The following PGBD1 variants were observed in gnomAD, a reference collection of about 807,000 sequenced individuals.
The protein encoded by PGBD1 is piggyBac transposable element derived 1, also known as piggyBac transposable element-derived protein 1.
PGBD1 carries 25 observed loss-of-function variants against 34.7 expected under a neutral mutation model. The ratio of observed to expected loss-of-function variants is 0.72; its 90% confidence interval spans 0.52 to 1.00. The LOEUF is 1.00. Among genes scored for constraint, PGBD1 ranks in the 50% least tolerant of loss-of-function variants. The pLI, the probability that PGBD1 is intolerant of heterozygous loss-of-function variation, is 0.00. For missense variants in PGBD1, 830 were observed against 959.4 expected, an observed-to-expected ratio of 0.87 and a Z score of 1.78; for synonymous variants, 292 against 335.7, an observed-to-expected ratio of 0.87 and a Z score of 1.42.
chr6:28,300,677 G>T lies in PGBD1; in HGVS notation c.870-47G>T, dbSNP rs762522752. The T allele has an allele frequency of 6.4e-7, 1 of 1,558,710 alleles. No homozygotes were observed. The highest frequency in any genetic ancestry group is 8.7e-7 in the Non-Finnish European group (1 of 1,154,044). Reference sequence around the variant, plus strand: ...TTCAGCAGATTTATCATGTGTGAGAGAATATGATTGAGGATTTTTATAACA... The same window carrying T: ...TTCAGCAGATTTATCATGTGTGAGATAATATGATTGAGGATTTTTATAACA... On this transcript the variant is annotated intron_variant, in intron 6 of 6. Transcript: ENST00000682144. This position sits in a 1 kb window ranked among gnomAD's most constrained non-coding sequence, Gnocchi z 4.0.
At chr6:28,297,572 T>A (rs1762683589) in intron 5 of PGBD1, among the ~76,000 whole-genome samples, 1 of 152,082 alleles carries the variant, frequency 6.6e-6, no homozygotes, top group South Asian at 2.1e-4. Context: ...AGGCTGGTCT[T>A]GAACTCCTGG....
intron 4 of PGBD1, among the ~76,000 whole-genome samples, chr6:28,288,419 T>G (rs1762351869): frequency 6.6e-6 from 1 of 152,190 alleles, no homozygotes; most frequent in Admixed American, 6.5e-5. Flanking sequence ...CTGGTTAGGA[T>G]CTCATGCTGC....
rs2113738335 is a variant in PGBD1 at position 28,281,929 on chromosome 6, G to C, written c.-39+11G>C. 1 of 152,410 alleles carries C rather than the reference G, an allele frequency of 6.6e-6. No individual in the cohort carries two copies. Among genetic ancestry groups the C allele is most frequent in the East Asian group, 1.9e-4 (1 of 5,178 alleles). 9.4% of individuals were successfully genotyped at this position (152,410 alleles called of 1,614,324 possible). A position where few individuals can be genotyped will look rare whatever the true frequency, so the allele number is the denominator to read the frequency against. On this transcript the variant is annotated intron_variant, in intron 1 of 6. Coordinates refer to ENST00000682144, the MANE Select transcript of PGBD1 (RefSeq NM_032507.4). ...TTTCTTGAATACCAGGTACGTGCCG[G>C]GCATGTAGAGTCTATGCAGAGATAA... is the stretch of plus-strand genomic sequence containing the variant.
At position 28,301,882 on chromosome 6, in the gene PGBD1, C is replaced by T. The variant is rs1395509549; in HGVS notation, c.2028C>T (p.Phe676=). ...MKKMKRGYFD[F]RIEENNEIIL... ...AAATGAAGAGAGGGTATTTTGATTT[C>T]CGAATAGAAGAAAACAATGAGATAA... The change falls in exon 7 of 7, where the codon TTC becomes TTT. Residue 676 remains phenylalanine (F), a synonymous_variant. Coordinates refer to ENST00000682144, the MANE Select transcript of PGBD1 (RefSeq NM_032507.4). 6.2e-7 allele frequency: 1 copy of T among 1,614,016 alleles called. No individual in the cohort carries two copies. The highest frequency in any genetic ancestry group is 1.1e-5 in the South Asian group (1 of 91,066).
chr6:28,285,584 C>A lies in PGBD1; in HGVS notation c.430C>A (p.Pro144Thr). ...SVYIQGQDMH[P>T]MVAEYQGVSL... ...CTATATTCAGGGACAGGACATGCACCCAATGGTGGCAGAATATCAAGGAGT... is the reference window on the plus strand; with the variant it reads ...CTATATTCAGGGACAGGACATGCACACAATGGTGGCAGAATATCAAGGAGT... Residue 144 changes from proline to threonine, a missense_variant, in exon 3 of 7, where the codon CCA becomes ACA. Pro to Thr is a conservative substitution (Grantham distance 38). Around this residue, in one of 3 missense-constraint regions of PGBD1, gnomAD observed 457 missense variants for 515.4 expected, o/e 0.89. Transcript: ENST00000682144. 1.9e-6 allele frequency: 3 copies of A among 1,614,066 alleles called. No individual in the cohort carries two copies. The African/African-American group carries it at 4.0e-5, about 22-fold the overall frequency.
chr6:28,299,872 G>A (rs1482040300), intron 6 of PGBD1, among the ~76,000 whole-genome samples: 3 of 151,770 alleles, frequency 2.0e-5, no homozygotes, highest in East Asian at 1.9e-4. Context: ...ATGGTGGCAC[G>A]TGCCTGTAGT....
intron 5 of PGBD1, among the ~76,000 whole-genome samples, chr6:28,297,687 T>C (rs1762687538): frequency 6.6e-6 from 1 of 152,214 alleles, no homozygotes; most frequent in Admixed American, 6.5e-5. Context: ...TTTGGTGCCT[T>C]AATTAACCTT....
intron 5 of PGBD1, 50 bp from the exon 6 acceptor site, chr6:28,297,845 T>TTTAAAAATAAAAAAA: frequency 1.1e-5 from 3 of 283,628 alleles, no homozygotes; most frequent in Non-Finnish European, 2.0e-5. Context: ...TTTTTTTTTT[T>TTTAAAAATAAAAAAA]CAAAATTCAC....
intron 4 of PGBD1, among the ~76,000 whole-genome samples, chr6:28,292,710 T>C (rs2113750659): frequency 6.6e-6 from 1 of 152,190 alleles, no homozygotes; most frequent in South Asian, 2.1e-4. Flanking sequence ...CTTAATCTAA[T>C]GACTCATATT....
chr6:28,285,501 C>A, intron 2 of PGBD1, 50 bp from the exon 3 acceptor site: 1 of 1,559,502 alleles, frequency 6.4e-7, no homozygotes, highest in Non-Finnish European at 8.7e-7. Context: ...AGGCTCTTAG[C>A]ATGCAGTCCA....
rs1762203223 is a variant in PGBD1, at chr6:28,283,936, G to A, written c.123G>A (p.Glu41=). 1.9e-6 allele frequency: 3 copies of A among 1,614,110 alleles called. No homozygotes were observed. Among genetic ancestry groups the A allele is most frequent in the Non-Finnish European group, 2.5e-6 (3 of 1,180,042 alleles). Residue 41 remains glutamate, a synonymous_variant, in exon 2 of 7, where the codon GAG becomes GAA. Transcript: ENST00000682144. ...AGGAGGGCAGCTCCCACACTCAGGA[G>A]ATTTGCCGCCTGCGCTTTCGGCACT... ...NSQEGSSHTQ[E]ICRLRFRHFC...
chr6:28,295,047 A>G (rs1178957309), intron 4 of PGBD1, among the ~76,000 whole-genome samples: 1 of 152,206 alleles, frequency 6.6e-6, no homozygotes, highest in African/African-American at 2.4e-5. Flanking sequence ...TCAAGGGAGG[A>G]GGTGAAAATA....
Position 28,296,932 on chromosome 6 carries a change from C to A in PGBD1, c.759C>A (p.Ser253Arg). ...ACTCAGCTCAGGAGACAGTTATGAG[C>A]CTCAGTCCGATGAGTAAGGCCAGGC... The part of the protein sequence containing the change: ...CGNSAQETVM[S>R]LSPMTEEIVT... Residue 253 changes from serine to arginine, a missense_variant, in exon 5 of 7, where the codon AGC (serine) becomes AGA (arginine). Ser to Arg is a moderately radical substitution (Grantham distance 110). Transcript: ENST00000682144. The A allele has an allele frequency of 1.2e-6, 2 of 1,614,042 alleles. No individual in the cohort carries two copies. The highest frequency in any genetic ancestry group is 1.7e-6 in the Non-Finnish European group (2 of 1,179,968).
intron 4 of PGBD1, among the ~76,000 whole-genome samples, chr6:28,290,262 A>AT (rs1762405900): frequency 6.6e-6 from 1 of 151,952 alleles, no homozygotes; most frequent in Admixed American, 6.6e-5. Flanking sequence ...TGCCTGGGTA[A>AT]TTTTTTGTAT....
At chr6:28,282,691 G>A (rs968167387) in intron 1 of PGBD1, among the ~76,000 whole-genome samples, 3 of 152,294 alleles carry the variant, frequency 2.0e-5, no homozygotes, top group East Asian at 1.9e-4. Context: ...GAGAAATACC[G>A]AGTGAACGCA....
intron 4 of PGBD1, among the ~76,000 whole-genome samples, chr6:28,292,384 A>G (rs1282404672): frequency 6.6e-6 from 1 of 152,136 alleles, no homozygotes. Flanking sequence ...AAATTTAAAC[A>G]CCAAATTAAG....
intron 4 of PGBD1, among the ~76,000 whole-genome samples, chr6:28,291,060 A>C (rs2113748754): frequency 6.7e-6 from 1 of 149,608 alleles, no homozygotes; most frequent in South Asian, 2.1e-4. Flanking sequence ...GCAAGAACAA[A>C]CCAAACTGAA....
At position 28,301,548 on chromosome 6, in the gene PGBD1, G is replaced by A. The variant is rs1168113552; in HGVS notation, c.1694G>A (p.Arg565Lys). The A allele has an allele frequency of 6.2e-7, 1 of 1,614,130 alleles. No homozygotes were observed. Among genetic ancestry groups the A allele is most frequent in the African/African-American group, 1.3e-5 (1 of 75,048 alleles). ...SDQFLNGKPI[R>K]IGYKIWCGTT... ...CAATTCCTGAATGGAAAGCCTATTA[G>A]AATTGGCTATAAAATTTGGTGTGGT... The change falls in exon 7 of 7, where the codon AGA becomes AAA. Residue 565 changes from arginine to lysine, a missense_variant. Coordinates refer to ENST00000682144, the MANE Select transcript of PGBD1 (RefSeq NM_032507.4).
rs769537486 is a variant in PGBD1 at position 28,285,524 on chromosome 6, C to T, written c.397-27C>T. 2.3e-5 allele frequency: 37 copies of T among 1,609,534 alleles called. 1 individual carries two copies. The South Asian group carries it at 4.1e-4, about 18-fold the overall frequency. On this transcript the variant is annotated intron_variant, in intron 2 of 6. Transcript: ENST00000682144. ...AGCATGCAGTCCATATATGCATGCC[C>T]TTTCAAAATAAATCTTTTGTTTCCA...
Sources: allele counts gnomAD v4.1 joint callset (sites outside exome capture counted in the v4.1 genomes callset), GRCh38; gene constraint gnomAD v4.1.1; regional missense constraint gnomAD v4.1.1; non-coding constraint Gnocchi (gnomAD v3.1); transcripts MANE v1.5; gene names NCBI Gene and HGNC (gene_info 2026-07-23, HGNC 2026-07-21).